Variants in SKIDA1 observed in about 807,000 individuals in gnomAD.
SKIDA1 encodes SKI/DACH domain-containing protein 1.
In SKIDA1, 18 loss-of-function variants were observed where a neutral mutation model predicts 51.4. That is an observed-to-expected ratio of 0.35 (90% CI 0.24 to 0.52). The LOEUF (loss-of-function observed/expected upper bound fraction) is 0.52. Among genes scored for constraint, SKIDA1 ranks in the 20% least tolerant of loss-of-function variants. SKIDA1 has a pLI of 0.95. For missense variants in SKIDA1, 1,104 were observed against 1,180.6 expected (o/e 0.94, Z 0.95); for synonymous variants, 579 against 500.5 (o/e 1.16, Z -2.09).
At position 21,517,253 on chromosome 10, in the gene SKIDA1, T is replaced by G; in HGVS notation, c.570A>C (p.Lys190Asn). The G allele has an allele frequency of 6.8e-7, 1 of 1,472,316 alleles. No individual in the cohort carries two copies. The highest frequency in any genetic ancestry group is 9.0e-7 in the Non-Finnish European group (1 of 1,109,374). 91.2% of individuals were successfully genotyped at this position (1,472,316 alleles called of 1,614,324 possible). A position where few individuals can be genotyped will look rare whatever the true frequency, so the allele number is the denominator to read the frequency against. Residue 190 changes from lysine (K) to asparagine (N), a missense_variant, in exon 4 of 4, where the codon AAA becomes AAC. Around this residue, in one of 3 missense-constraint regions of SKIDA1, gnomAD observed 938 missense variants for 886.4 expected, o/e 1.06. Coordinates refer to ENST00000449193, the MANE Select transcript of SKIDA1 (RefSeq NM_207371.4). This position sits in a 1 kb window ranked among gnomAD's most constrained non-coding sequence, Gnocchi z 6.9. ...HYPEIVRSPC[K>N]PPLNYETAPL... Reference sequence around the variant, plus strand: ...GGGCAGTTTCATAGTTTAGAGGGGGTTTGCACGGCGAGCGCACGATCTCCG... The same window carrying G: ...GGGCAGTTTCATAGTTTAGAGGGGGGTTGCACGGCGAGCGCACGATCTCCG...
chr10:21,517,015 G>A lies in SKIDA1; in HGVS notation c.808C>T (p.Arg270Cys), dbSNP rs1353368804. 8.1e-6 allele frequency: 9 copies of A among 1,110,336 alleles called. No individual in the cohort carries two copies. The East Asian group carries it at 4.5e-4, about 56-fold the overall frequency. 68.8% of individuals were successfully genotyped at this position (1,110,336 alleles called of 1,614,324 possible). ...GAGGPGSLSY[R>C]CKRKRGGAKD... ...GCGCCGCCGCGCTTGCGCTTGCAGC[G>A]GTAGCTCAGGCTCCCCGGGCCTCCG... The change falls in exon 4 of 4, where the codon CGC becomes TGC. Residue 270 changes from arginine to cysteine, a missense_variant. Physicochemically the swap from Arg to Cys is radical, Grantham distance 180. Transcript: ENST00000449193. This position sits in a 1 kb window ranked among gnomAD's most constrained non-coding sequence, Gnocchi z 6.9.
rs780345888 is a variant in SKIDA1, at chr10:21,515,997, T to C, written c.1826A>G (p.His609Arg). 6.2e-7 allele frequency: 1 copy of C among 1,614,034 alleles called. No individual in the cohort carries two copies. The highest frequency in any genetic ancestry group is 1.3e-5 in the African/African-American group (1 of 75,060). ...RKCLQTTPTTHCADNNTIAAR... is the reference protein window; with the variant it reads ...RKCLQTTPTTRCADNNTIAAR... ...AGCTATTGTGTTGTTATCTGCACAG[T>C]GTGTAGTAGGAGTTGTTTGTAGGCA... The change falls in exon 4 of 4, where the codon CAC becomes CGC. Residue 609 changes from histidine to arginine, a missense_variant. Physicochemically the swap from His to Arg is conservative, Grantham distance 29. Transcript: ENST00000449193.
At position 21,515,255 on chromosome 10, in the gene SKIDA1, G is replaced by A. The variant is rs763324970; in HGVS notation, c.2568C>T (p.Leu856=). 2.5e-6 allele frequency: 4 copies of A among 1,613,858 alleles called. No homozygotes were observed. Among genetic ancestry groups the A allele is most frequent in the Non-Finnish European group, 3.4e-6 (4 of 1,179,908 alleles). ...FMANFPCPPS[L]IIGRDGDLWP... ...ACAAATCCCCATCTCTCCCAATAAT[G>A]AGTGATGGTGGACAAGGAAAATTTG... Residue 856 remains leucine, a synonymous_variant, in exon 4 of 4, where the codon CTC becomes CTT. Transcript: ENST00000449193.
intron 2 of SKIDA1, among the ~76,000 whole-genome samples, chr10:21,522,336 G>A (rs1425710873): frequency 1.6e-5 from 2 of 123,764 alleles, no homozygotes; most frequent in Non-Finnish European, 3.1e-5. Flanking sequence ...TGATTGCTGG[G>A]CACATTTTGT....
chr10:21,517,298 T>C lies in SKIDA1; in HGVS notation c.525A>G (p.Lys175=). 6.8e-7 allele frequency: 1 copy of C among 1,465,212 alleles called. No individual in the cohort carries two copies. The highest frequency in any genetic ancestry group is 9.0e-7 in the Non-Finnish European group (1 of 1,105,930). The allele number at this position is 1,465,212 out of a possible 1,614,324, so 90.8% of individuals were successfully genotyped here. The change falls in exon 4 of 4, where the codon AAA becomes AAG. Residue 175 remains lysine, a synonymous_variant. Transcript: ENST00000449193. This position sits in a 1 kb window ranked among gnomAD's most constrained non-coding sequence, Gnocchi z 6.9. ...PAAHLPQIFS[K]YPGSHYPEIV... ...TCTCCGGGTAGTGCGAGCCGGGGTA[T>C]TTGCTAAAAATCTGAGGTAGATGGG...
chr10:21,515,536 A>G lies in SKIDA1; in HGVS notation c.2287T>C (p.Ser763Pro), dbSNP rs1158931456. Residue 763 changes from serine (S) to proline (P), a missense_variant, in exon 4 of 4, where the codon TCT becomes CCT. By Grantham distance (74) the Ser-to-Pro change is moderately conservative. Around this residue, in one of 3 missense-constraint regions of SKIDA1, gnomAD observed 938 missense variants for 886.4 expected, o/e 1.06. Transcript: ENST00000449193. ...TATTCCCCATCCTCAGGTTTTGGAG[A>G]ACCTAAAGTGCATGAAAGGCCCTGA... ...QSQGLSCTLG[S>P]PKPEDGEYKF... 6.2e-7 allele frequency: 1 copy of G among 1,613,808 alleles called. No homozygotes were observed. Among genetic ancestry groups the G allele is most frequent in the African/African-American group, 1.3e-5 (1 of 74,888 alleles).
intron 3 of SKIDA1, 78 bp downstream of exon 3, chr10:21,521,311 C>G (rs1009617857): frequency 6.6e-6 from 1 of 152,478 alleles, no homozygotes; most frequent in Non-Finnish European, 1.5e-5. Flanking sequence ...AATGTGAAAG[C>G]TGGCCAAAAG....
intron 1 of SKIDA1, chr10:21,524,872 G>A (rs1015661344): frequency 6.6e-6 from 1 of 152,238 alleles, no homozygotes; most frequent in African/African-American, 2.4e-5. Flanking sequence ...ATCTCCCTCC[G>A]TTTCAAGCCA....
chr10:21,522,289 C>A (rs929204580), intron 2 of SKIDA1, among the ~76,000 whole-genome samples: 5 of 54,100 alleles, frequency 9.2e-5, no homozygotes, highest in Non-Finnish European at 9.9e-5. Context: ...CCCCCCCCCC[C>A]CCGCCACCAG....
Position 21,516,107 on chromosome 10 carries a change from G to C in SKIDA1, c.1716C>G (p.Asn572Lys), listed in dbSNP as rs752759239. 15 of 1,613,944 alleles carry C rather than the reference G, an allele frequency of 9.3e-6. No individual in the cohort carries two copies. The East Asian group carries it at 3.3e-4, about 36-fold the overall frequency. ...NAVKRTDLTI[N>K]CLAEGASSPS... ...GTGAAGAGGCCCCCTCTGCCAGGCAGTTAATTGTCAGGTCAGTTCTCTTTA... is the reference window on the plus strand; with the variant it reads ...GTGAAGAGGCCCCCTCTGCCAGGCACTTAATTGTCAGGTCAGTTCTCTTTA... The change falls in exon 4 of 4, where the codon AAC becomes AAG. Residue 572 changes from asparagine to lysine, a missense_variant. Transcript: ENST00000449193. This position sits in a 1 kb window ranked among gnomAD's most constrained non-coding sequence, Gnocchi z 5.7.
rs1339556201 is a variant in SKIDA1 at position 21,519,052 on chromosome 10, C to T, written c.-1230G>A. ...CATAGATAAGCCAGAAATGTGTACA[C>T]TTTTCCACAATTAACCGTACTGGAT... On this transcript the variant is annotated 5_prime_UTR_variant, in exon 4 of 4. The change creates a new upstream start codon in the 5' untranslated region. Transcript: ENST00000449193. 6.0e-6 allele frequency: 1 copy of T among 167,014 alleles called. No individual in the cohort carries two copies. The highest frequency in any genetic ancestry group is 2.4e-5 in the African/African-American group (1 of 41,384). 10.3% of individuals were successfully genotyped at this position (167,014 alleles called of 1,614,324 possible).
chr10:21,516,981 C>T lies in SKIDA1; in HGVS notation c.842G>A (p.Cys281Tyr), dbSNP rs1482969688. The change falls in exon 4 of 4, where the codon TGC becomes TAC. Residue 281 changes from cysteine (C) to tyrosine (Y), a missense_variant. Cys to Tyr is a radical substitution (Grantham distance 194). Coordinates refer to ENST00000449193, the MANE Select transcript of SKIDA1 (RefSeq NM_207371.4). The surrounding 1 kb of genome is among the most constrained non-coding windows in gnomAD (Gnocchi z 5.7). ...CGCGCCGGCGTGAGGCGCGAGCAGG[C>T]AGTCCTTGGCGCCGCCGCGCTTGCG... Reference protein sequence around the residue: ...CKRKRGGAKDCLLAPHAGARR... With the variant: ...CKRKRGGAKDYLLAPHAGARR... 3.5e-6 allele frequency: 4 copies of T among 1,144,476 alleles called. No individual in the cohort carries two copies. The highest frequency in any genetic ancestry group is 4.1e-5 in the Admixed American group (1 of 24,626). 70.9% of individuals were successfully genotyped at this position (1,144,476 alleles called of 1,614,324 possible).
rs908328759 is a variant in SKIDA1 at position 21,516,737 on chromosome 10, G to A, written c.1086C>T (p.Pro362=). ...RAQPPQQSHH[P]PHHHRPQPHL... ...GGGGCTGCGGCCGGTGGTGGTGAGG[G>A]GGGTGGTGACTCTGCTGCGGCGGCT... Residue 362 remains proline, a synonymous_variant, in exon 4 of 4, where the codon CCC becomes CCT. Coordinates refer to ENST00000449193, the MANE Select transcript of SKIDA1 (RefSeq NM_207371.4). The surrounding 1 kb of genome is among the most constrained non-coding windows in gnomAD (Gnocchi z 5.7). 26 of 1,549,966 alleles carry A rather than the reference G, an allele frequency of 1.7e-5. No homozygotes were observed. Among genetic ancestry groups the A allele is most frequent in the Admixed American group, 9.8e-5 (5 of 50,966 alleles).
At position 21,514,213 on chromosome 10, in the gene SKIDA1, C is replaced by CAAAAAAAAAAAAA. The variant is rs71393903; in HGVS notation, c.*870_*882dup. The CAAAAAAAAAAAAA allele has an allele frequency of 1.7e-5, 1 of 60,174 alleles. No homozygotes were observed. The highest frequency in any genetic ancestry group is 7.6e-5 in the African/African-American group (1 of 13,184). 3.7% of individuals were successfully genotyped at this position (60,174 alleles called of 1,614,324 possible). ...CTGGGCGACACAGCGAGACTCTCTC[C>CAAAAAAAAAAAAA]AAAAAAAAAAAAAAAAAAAAAAAGA... is the stretch of plus-strand genomic sequence containing the variant. On this transcript the variant is annotated 3_prime_UTR_variant, in exon 4 of 4. Coordinates refer to ENST00000449193, the MANE Select transcript of SKIDA1 (RefSeq NM_207371.4).
In SKIDA1 at chr10:21,517,109, G is replaced by GGCGGCGGCGGCAGCA; in HGVS notation, c.699_713dup (p.Ala240_Ala244dup). ...GGTAATAGGCGGCGGCGGCGGCGGC[G>GGCGGCGGCGGCAGCA]GCGGCGGCGGCAGCAGCGGCGGCGG... On this transcript the variant is annotated inframe_insertion, in exon 4 of 4. Transcript: ENST00000449193. This position sits in a 1 kb window ranked among gnomAD's most constrained non-coding sequence, Gnocchi z 6.9. 9.9e-7 allele frequency: 1 copy of GGCGGCGGCGGCAGCA among 1,008,652 alleles called. No homozygotes were observed. The highest frequency in any genetic ancestry group is 1.2e-6 in the Non-Finnish European group (1 of 842,376). 62.5% of individuals were successfully genotyped at this position (1,008,652 alleles called of 1,614,324 possible).
In SKIDA1 at chr10:21,517,239, T is replaced by C. The variant is rs2131272640; in HGVS notation, c.584A>G (p.Tyr195Cys). 2.0e-6 allele frequency: 3 copies of C among 1,465,888 alleles called. No individual in the cohort carries two copies. Among genetic ancestry groups the C allele is most frequent in the Non-Finnish European group, 2.7e-6 (3 of 1,104,796 alleles). The allele number at this position is 1,465,888 out of a possible 1,614,324, so 90.8% of individuals were successfully genotyped here. A position where few individuals can be genotyped will look rare whatever the true frequency, so the allele number is the denominator to read the frequency against. Residue 195 changes from tyrosine to cysteine, a missense_variant, in exon 4 of 4, where the codon TAT (tyrosine) becomes TGT (cysteine). Physicochemically the swap from Tyr to Cys is radical, Grantham distance 194. Coordinates refer to ENST00000449193, the MANE Select transcript of SKIDA1 (RefSeq NM_207371.4). This position sits in a 1 kb window ranked among gnomAD's most constrained non-coding sequence, Gnocchi z 6.9. ...VRSPCKPPLN[Y>C]ETAPLQGNYV... ...GTTTCCCTGGAGCGGGGCAGTTTCA[T>C]AGTTTAGAGGGGGTTTGCACGGCGA...
chr10:21,521,533 TAAGAA>T (rs1328719025), intron 2 of SKIDA1, 53 bp from the exon 3 acceptor site: 1 of 152,582 alleles, frequency 6.6e-6, no homozygotes, highest in Non-Finnish European at 1.5e-5. Flanking sequence ...CAAATTTTTT[TAAGAA>T]AAGATATATC....
chr10:21,522,909 T>G (rs2032454065), intron 2 of SKIDA1, among the ~76,000 whole-genome samples: 1 of 152,104 alleles, frequency 6.6e-6, no homozygotes, highest in Non-Finnish European at 1.5e-5. Flanking sequence ...GTAAAGGGGT[T>G]TTTGTGAGGC....
intron 3 of SKIDA1, among the ~76,000 whole-genome samples, chr10:21,520,623 G>C (rs1239611366): frequency 1.4e-5 from 2 of 147,314 alleles, no homozygotes; most frequent in Non-Finnish European, 3.0e-5. Context: ...AGTTTTAGTT[G>C]TTCTCCATTC....
Sources: gnomAD v4.1 joint callset for allele counts (sites outside exome capture counted in the v4.1 genomes callset) on GRCh38, gnomAD v4.1.1 for gene constraint, gnomAD v4.1.1 regional missense constraint, Gnocchi (gnomAD v3.1) non-coding constraint, MANE v1.5 for transcripts, NCBI Gene and HGNC (gene_info 2026-07-23, HGNC 2026-07-21) for gene names.